Variants in GPM6A observed in about 807,000 individuals in gnomAD.
The protein encoded by GPM6A is neuronal membrane glycoprotein M6-a.
In GPM6A, 7 loss-of-function variants were observed where a neutral mutation model predicts 32.1. The observed-to-expected ratio is 0.22, with a 90% CI of 0.12 to 0.41. GPM6A has a LOEUF of 0.41. Ranked by LOEUF, GPM6A falls within the 10% of genes least tolerant of loss-of-function variation. The pLI is 1.00. For synonymous variants in GPM6A, 130 were observed against 123.4 expected, an observed-to-expected ratio of 1.05 and a Z score of -0.35; for missense variants, 235 against 347.2, an observed-to-expected ratio of 0.68 and a Z score of 2.57.
rs2643996 is a variant in GPM6A at position 175,770,183 on chromosome 4, C to T, written c.37+42008G>A. 3.9e-3 allele frequency among the ~76,000 whole-genome samples: 592 copies of T among 152,284 alleles called. 3 individuals are homozygous for T. Among genetic ancestry groups the T allele is most frequent in the African/African-American group, 0.014 (575 of 41,564 alleles). ...CTGATATTACAGGCATGTGCCACCA[C>T]GCCCAGCTAGTTTTTTGTACTTAGT... On this transcript the variant is annotated intron_variant, in intron 1 of 6. Coordinates refer to ENST00000393658, the MANE Select transcript of GPM6A (RefSeq NM_201591.3).
At chr4:175,940,638 A>G (rs57486393) in intron 1 of GPM6A, among the ~76,000 whole-genome samples, 9,046 of 151,798 alleles carry the variant, frequency 0.06, 845 homozygotes, top group African/African-American at 0.2. Context: ...ATGGAGTGTC[A>G]CTCTGTCGCC....
At chr4:175,669,243 A>C (rs1742919981) in intron 3 of GPM6A, among the ~76,000 whole-genome samples, 1 of 152,210 alleles carries the variant, frequency 6.6e-6, no homozygotes, top group African/African-American at 2.4e-5. Context: ...TTTTAAGATA[A>C]TTATACAGAG....
At chr4:175,890,968 T>C (rs1309205172) in intron 1 of GPM6A, among the ~76,000 whole-genome samples, 1 of 152,146 alleles carries the variant, frequency 6.6e-6, no homozygotes, top group Non-Finnish European at 1.5e-5. Context: ...ATAGAGTATA[T>C]GCAACTAGAT....
intron 1 of GPM6A, among the ~76,000 whole-genome samples, chr4:175,715,157 A>G (rs1452201025): frequency 2.0e-5 from 3 of 152,184 alleles, no homozygotes; most frequent in African/African-American, 7.2e-5. Flanking sequence ...AAATGTCCAC[A>G]TGATTTGCTC....
chr4:175,733,612 T>C (rs1371358740), intron 1 of GPM6A, among the ~76,000 whole-genome samples: 1 of 152,226 alleles, frequency 6.6e-6, no homozygotes, highest in African/African-American at 2.4e-5. Flanking sequence ...TTGACTAACT[T>C]CATAACATTC....
intron 1 of GPM6A, among the ~76,000 whole-genome samples, chr4:175,895,362 A>C (rs1438795519): frequency 6.6e-6 from 1 of 152,174 alleles, no homozygotes; most frequent in Non-Finnish European, 1.5e-5. Flanking sequence ...ATTTCAATTA[A>C]AGTAATACTG....
intron 1 of GPM6A, among the ~76,000 whole-genome samples, chr4:175,922,106 T>C (rs569149473): frequency 2.8e-4 from 43 of 152,168 alleles, no homozygotes; most frequent in Non-Finnish European, 5.7e-4. Context: ...AATATGCTTA[T>C]GTAAAATGGA....
upstream of GPM6A, among the ~76,000 whole-genome samples, chr4:175,814,470 C>T (rs539310471): frequency 1.3e-5 from 2 of 152,242 alleles, no homozygotes; most frequent in African/African-American, 2.4e-5. Flanking sequence ...AAATCAGCCT[C>T]AGTTCATAGC....
intron 1 of GPM6A, among the ~76,000 whole-genome samples, chr4:175,711,622 G>C (rs1026735238): frequency 1.3e-5 from 2 of 149,644 alleles, no homozygotes; most frequent in African/African-American, 4.9e-5. Flanking sequence ...ATAGGAATTT[G>C]AGACAGCCAA....
intron 3 of GPM6A, chr4:175,654,377 C>T (rs1741962975): frequency 6.6e-6 from 1 of 152,116 alleles, no homozygotes; most frequent in Admixed American, 6.6e-5. Context: ...TCTAAACTGG[C>T]TTCACATGCT....
intron 1 of GPM6A, among the ~76,000 whole-genome samples, chr4:175,985,904 T>G (rs1740959232): frequency 6.6e-6 from 1 of 152,004 alleles, no homozygotes; most frequent in Non-Finnish European, 1.5e-5. Context: ...CTCCCGGTTT[T>G]AAGTGATTCT....
intron 1 of GPM6A, among the ~76,000 whole-genome samples, chr4:175,962,976 G>GA (rs1561013639): frequency 6.6e-6 from 1 of 151,418 alleles, no homozygotes; most frequent in South Asian, 2.1e-4. Context: ...CAGAAACTAA[G>GA]AAAAAAATCT....
intron 1 of GPM6A, among the ~76,000 whole-genome samples, chr4:175,911,711 A>C (rs1738324320): frequency 1.3e-5 from 2 of 152,206 alleles, no homozygotes; most frequent in South Asian, 4.1e-4. Flanking sequence ...GAAGGTTCTT[A>C]CAGATAATGT....
At chr4:175,798,536 T>C (rs1266760179) in intron 1 of GPM6A, 2 of 152,212 alleles carry the variant, frequency 1.3e-5, no homozygotes, top group African/African-American at 2.4e-5. Flanking sequence ...ATGAGCAATG[T>C]GGTAAATTTA....
chr4:175,772,671 C>T (rs1733237631), intron 1 of GPM6A, among the ~76,000 whole-genome samples: 1 of 152,184 alleles, frequency 6.6e-6, no homozygotes, highest in East Asian at 1.9e-4. Flanking sequence ...ACACTGAACA[C>T]TCTAGTCTCA....
intron 1 of GPM6A, among the ~76,000 whole-genome samples, chr4:175,737,264 G>A (rs1396537354): frequency 3.3e-5 from 5 of 152,160 alleles, no homozygotes; most frequent in Non-Finnish European, 1.5e-5. Context: ...AGAGGTTTAT[G>A]TGGCTCATGA....
At chr4:175,935,140 A>G (rs1464345758) in intron 1 of GPM6A, among the ~76,000 whole-genome samples, 1 of 152,228 alleles carries the variant, frequency 6.6e-6, no homozygotes, top group Non-Finnish European at 1.5e-5. Flanking sequence ...AGAGCACAGT[A>G]ATGTGATTTA....
At chr4:175,883,550 A>T (rs1737349118) in intron 1 of GPM6A, among the ~76,000 whole-genome samples, 1 of 152,152 alleles carries the variant, frequency 6.6e-6, no homozygotes, top group Non-Finnish European at 1.5e-5. Flanking sequence ...TATTTATACT[A>T]CATATAATTT....
intron 1 of GPM6A, among the ~76,000 whole-genome samples, chr4:175,869,968 T>C (rs1479733245): frequency 6.6e-6 from 1 of 152,174 alleles, no homozygotes; most frequent in African/African-American, 2.4e-5. Context: ...TAGCTAATAA[T>C]TTGCAGCACT....
Sources: gnomAD v4.1 joint callset for allele counts (sites outside exome capture counted in the v4.1 genomes callset) on GRCh38, gnomAD v4.1.1 for gene constraint, MANE v1.5 for transcripts, NCBI Gene and HGNC (gene_info 2026-07-23, HGNC 2026-07-21) for gene names.